Variants in SCHIP1 observed in about 807,000 individuals in gnomAD.
SCHIP1 encodes schwannomin-interacting protein 1.
A neutral mutation model predicts 29.7 loss-of-function variants in SCHIP1; 8 were observed. The ratio of observed to expected loss-of-function variants is 0.27; its 90% CI spans 0.16 to 0.49. The LOEUF is 0.49. Ranked by LOEUF, SCHIP1 falls within the 20% of genes least tolerant of loss-of-function variation. The pLI is 0.99. For missense variants in SCHIP1, 193 were observed against 294.6 expected (o/e 0.66, Z 2.52); for synonymous variants, 76 against 94.9 (o/e 0.80, Z 1.16).
chr3:159,405,435 G>A, the SCHIP1 span, among the ~76,000 whole-genome samples: 1 of 152,184 alleles, frequency 6.6e-6, no homozygotes. Context: ...TCACATAAAT[G>A]TAACAAAGAA....
At chr3:159,884,349 CTGTGTG>C (rs10661642) in intron 2 of SCHIP1, among the ~76,000 whole-genome samples, 112 of 140,650 alleles carry the variant, frequency 8.0e-4, no homozygotes, top group South Asian at 4.5e-3. Flanking sequence ...GTGTCTGTGT[CTGTGTG>C]TGTGTGTGTG....
At chr3:159,431,635 C>G in the SCHIP1 span, among the ~76,000 whole-genome samples, 1 of 151,570 alleles carries the variant, frequency 6.6e-6, no homozygotes, top group Non-Finnish European at 1.5e-5. Flanking sequence ...ATGGTGAAAC[C>G]CCATCTCTAC....
At chr3:159,363,140 G>C in the SCHIP1 span, among the ~76,000 whole-genome samples, 1 of 152,086 alleles carries the variant, frequency 6.6e-6, no homozygotes, top group Non-Finnish European at 1.5e-5. Flanking sequence ...AGATGACCAA[G>C]GTCTGCTTTA....
At chr3:159,393,889 G>T in the SCHIP1 span, among the ~76,000 whole-genome samples, 3 of 152,184 alleles carry the variant, frequency 2.0e-5, no homozygotes, top group Admixed American at 6.5e-5. Context: ...CATTGAATCT[G>T]TAAATTACCT....
the SCHIP1 span, among the ~76,000 whole-genome samples, chr3:159,430,077 A>G: frequency 6.6e-6 from 1 of 152,216 alleles, no homozygotes; most frequent in Non-Finnish European, 1.5e-5. Flanking sequence ...AAAATTGTTT[A>G]GAAAAGGATG....
chr3:159,284,253 A>G, the SCHIP1 span, among the ~76,000 whole-genome samples: 11 of 152,290 alleles, frequency 7.2e-5, no homozygotes, highest in African/African-American at 2.6e-4. Context: ...CTACAATATC[A>G]TAAGTAAATT....
intron 1 of SCHIP1, among the ~76,000 whole-genome samples, chr3:159,847,243 C>T (rs1379000741): frequency 6.6e-6 from 1 of 152,102 alleles, no homozygotes; most frequent in African/African-American, 2.4e-5. Flanking sequence ...CCTATTCATG[C>T]ACATACATAA....
chr3:159,883,730 T>C (rs1432296846), intron 2 of SCHIP1, among the ~76,000 whole-genome samples: 2 of 152,234 alleles, frequency 1.3e-5, no homozygotes, highest in African/African-American at 4.8e-5. Flanking sequence ...AGGAATTATG[T>C]CTCACCCTAT....
the SCHIP1 span, among the ~76,000 whole-genome samples, chr3:159,740,990 A>T: frequency 6.6e-6 from 1 of 151,886 alleles, no homozygotes; most frequent in African/African-American, 2.4e-5. Flanking sequence ...AAACCAAGTC[A>T]TCCACCTCAC....
chr3:159,455,099 T>C, the SCHIP1 span, among the ~76,000 whole-genome samples: 1 of 152,208 alleles, frequency 6.6e-6, no homozygotes, highest in African/African-American at 2.4e-5. Context: ...TGAATCTGGA[T>C]ATTTTACTGG....
chr3:159,896,841 T>C (rs1320026822), exon 7 of SCHIP1: 51 of 1,505,406 alleles, frequency 3.4e-5, no homozygotes, highest in Non-Finnish European at 4.3e-5. Flanking sequence ...AAAATGCTGT[T>C]GCTAAAGGTG....
the SCHIP1 span, among the ~76,000 whole-genome samples, chr3:159,386,326 A>G: frequency 6.6e-6 from 1 of 152,208 alleles, no homozygotes; most frequent in East Asian, 1.9e-4. Flanking sequence ...TTTACAAGAG[A>G]TGTGAAGGAC....
chr3:159,320,623 T>G, the SCHIP1 span, among the ~76,000 whole-genome samples: 2 of 151,638 alleles, frequency 1.3e-5, no homozygotes, highest in Admixed American at 6.6e-5. Flanking sequence ...TTTTTCCCCC[T>G]GTTACAGTAA....
chr3:159,439,422 A>G, the SCHIP1 span, among the ~76,000 whole-genome samples: 1 of 152,118 alleles, frequency 6.6e-6, no homozygotes, highest in Non-Finnish European at 1.5e-5. Flanking sequence ...TTATAAAACC[A>G]TCAGATCTCA....
the SCHIP1 span, among the ~76,000 whole-genome samples, chr3:159,476,333 T>C: frequency 8.5e-3 from 1,302 of 152,294 alleles, 24 homozygotes; most frequent in Admixed American, 0.048. Context: ...GTTGAGTTTA[T>C]TGCCCACAAT....
At chr3:159,513,669 T>G in the SCHIP1 span, among the ~76,000 whole-genome samples, 24 of 152,118 alleles carry the variant, frequency 1.6e-4, no homozygotes, top group African/African-American at 5.8e-4. Context: ...ATGGCTTGAT[T>G]GAAGGGAGAA....
the SCHIP1 span, among the ~76,000 whole-genome samples, chr3:159,376,780 C>T: frequency 0.24 from 37,138 of 151,998 alleles, 4,871 homozygotes; most frequent in African/African-American, 0.33. Flanking sequence ...GCCAGTGCAC[C>T]GCAGCTTATG....
the SCHIP1 span, among the ~76,000 whole-genome samples, chr3:159,385,540 G>C: frequency 7.1e-6 from 1 of 141,138 alleles, no homozygotes; most frequent in African/African-American, 2.6e-5. Flanking sequence ...CTGGGAGATA[G>C]ATCAAGAGCA....
chr3:159,668,376 C>CTAAAA, the SCHIP1 span, among the ~76,000 whole-genome samples: 1 of 46,412 alleles, frequency 2.2e-5, no homozygotes, highest in Admixed American at 2.1e-4. Flanking sequence ...GACTCCGTCT[C>CTAAAA]AAAAAAAAAA....
Sources: gnomAD v4.1 joint callset for allele counts (sites outside exome capture counted in the v4.1 genomes callset) on GRCh38, gnomAD v4.1.1 for gene constraint, MANE v1.5 for transcripts, NCBI Gene and HGNC (gene_info 2026-07-23, HGNC 2026-07-21) for gene names.